The following RAD51AP2 variants were observed in gnomAD, a reference collection of about 807,000 sequenced individuals.
RAD51AP2 encodes the protein RAD51 associated protein 2.
RAD51AP2 carries 67 observed loss-of-function variants against 85.5 expected under a neutral mutation model. The ratio of observed to expected loss-of-function variants is 0.78; its 90% CI spans 0.64 to 0.96. The LOEUF (loss-of-function observed/expected upper bound fraction) is 0.96, where lower values mean the gene tolerates loss of function less well. Ranked by LOEUF, RAD51AP2 falls within the 40% of genes least tolerant of loss-of-function variation. The probability of loss-of-function intolerance (pLI) is 0.00; values close to 1 mark genes in which losing one functional copy is unlikely to be tolerated. For synonymous variants in RAD51AP2, 474 were observed against 446.5 expected (o/e 1.06, Z -0.78); for missense variants, 1,307 against 1,332.4 (o/e 0.98, Z 0.30).
Position 17,518,438 on chromosome 2 carries a change from T to C in RAD51AP2, c.-23A>G. On this transcript the variant is annotated 5_prime_UTR_variant, in exon 1 of 3. Transcript: ENST00000399080. ...CATGACAGCGAATGGAAAGGATCTG[T>C]CCGAGTCCCGGCGGGGCTCCAATCC... 1.3e-6 allele frequency: 2 copies of C among 1,596,724 alleles called. No homozygotes were observed.
chr2:17,535,538 G>A, the RAD51AP2 span, among the ~76,000 whole-genome samples: 1 of 152,110 alleles, frequency 6.6e-6, no homozygotes, highest in Admixed American at 6.5e-5. Flanking sequence ...GTGGCAGTGA[G>A]GAATGAATTT....
the RAD51AP2 span, among the ~76,000 whole-genome samples, chr2:17,536,032 G>A: frequency 7.1e-6 from 1 of 140,848 alleles, no homozygotes; most frequent in Non-Finnish European, 1.6e-5. Flanking sequence ...AAAAAAAAAA[G>A]TGGGTTTTGT....
intron 2 of RAD51AP2, among the ~76,000 whole-genome samples, chr2:17,512,808 G>C (rs1241748540): frequency 2.6e-5 from 4 of 152,114 alleles, no homozygotes; most frequent in Admixed American, 2.6e-4. Context: ...TCATCCCGGG[G>C]AGAAGAGACT....
In RAD51AP2 at chr2:17,515,331, A is replaced by C. The variant is rs771999317; in HGVS notation, c.3085T>G (p.Ser1029Ala). Reference sequence around the variant, plus strand: ...CCTGCTATAGTATCATGGAACGAGGAAGATGCACGTATTTTGTTGACCACA... The same window carrying C: ...CCTGCTATAGTATCATGGAACGAGGCAGATGCACGTATTTTGTTGACCACA... The part of the protein sequence containing the change: ...MVVVNKIRAS[S>A]SFHDTIAGPN... The change falls in exon 1 of 3, where the codon TCC becomes GCC. Residue 1029 changes from serine (S) to alanine (A), a missense_variant. Ser to Ala is a moderately conservative substitution (Grantham distance 99). Transcript: ENST00000399080. The C allele has an allele frequency of 6.2e-7, 1 of 1,612,782 alleles. No homozygotes were observed. Among genetic ancestry groups the C allele is most frequent in the Non-Finnish European group, 8.5e-7 (1 of 1,179,686 alleles).
At chr2:17,513,171 A>G in intron 2 of RAD51AP2, among the ~76,000 whole-genome samples, 1 of 149,026 alleles carries the variant, frequency 6.7e-6, no homozygotes, top group South Asian at 2.1e-4. Flanking sequence ...ACTGTGTTTT[A>G]TTCTGATATT....
chr2:17,516,088 G>A lies in RAD51AP2; in HGVS notation c.2328C>T (p.Asn776=), dbSNP rs1297638951. The A allele has an allele frequency of 6.2e-7, 1 of 1,612,874 alleles. No individual in the cohort carries two copies. The highest frequency in any genetic ancestry group is 2.2e-5 in the East Asian group (1 of 44,840). ...ERKQGHNKIS[N]FDCEHIFEDL... is the part of the protein sequence containing the mutation. ...CTTCAAATATGTGCTCACAGTCAAAGTTACTGATCTTATTATGTCCCTGTT... is the reference window on the plus strand; with the variant it reads ...CTTCAAATATGTGCTCACAGTCAAAATTACTGATCTTATTATGTCCCTGTT... The change falls in exon 1 of 3, where the codon AAC becomes AAT. Residue 776 remains asparagine (N), a synonymous_variant. Coordinates refer to ENST00000399080, the MANE Select transcript of RAD51AP2 (RefSeq NM_001099218.3).
At chr2:17,511,001 T>A (rs1020881100) in intron 2 of RAD51AP2, 46 bp from the exon 3 acceptor site, 1 of 1,364,684 alleles carries the variant, frequency 7.3e-7, no homozygotes, top group Non-Finnish European at 9.9e-7. Flanking sequence ...ATAGTTTCTA[T>A]GCCTAAAAAT....
In RAD51AP2 at chr2:17,510,809, A is replaced by G; in HGVS notation, c.3475T>C (p.Phe1159Leu). 6.4e-7 allele frequency: 1 copy of G among 1,563,174 alleles called. No individual in the cohort carries two copies. The highest frequency in any genetic ancestry group is 8.7e-7 in the Non-Finnish European group (1 of 1,151,470). Residue 1159 changes from phenylalanine to leucine, a missense_variant, in exon 3 of 3, where the codon TTT becomes CTT. Physicochemically the swap from Phe to Leu is conservative, Grantham distance 22 (BLOSUM62 0). Transcript: ENST00000399080. ...QMCYGNLKEN[F>L] ...AATGTTTTGAAATATGAAAGTCAAA[A>G]ATTTTCTTTTAAGTTTCCGTAACAC...
rs749125571 is a variant in RAD51AP2 at position 17,515,513 on chromosome 2, A to C, written c.2903T>G (p.Phe968Cys). The C allele has an allele frequency of 1.1e-5, 18 of 1,611,164 alleles. No homozygotes were observed. The highest frequency in any genetic ancestry group is 1.5e-5 in the Non-Finnish European group (18 of 1,179,276). ...IVKDFEMKRK[F>C]DLVLEELRMF... is the part of the protein sequence containing the mutation. ...ACGAAGTTCTTCAAGTACTAAGTCA[A>C]ATTTTCTCTTCATCTCAAAATCTTT... Residue 968 changes from phenylalanine (F) to cysteine (C), a missense_variant, in exon 1 of 3, where the codon TTT (phenylalanine) becomes TGT (cysteine). Physicochemically the swap from Phe to Cys is radical, Grantham distance 205. Around this residue, in one of 3 missense-constraint regions of RAD51AP2, gnomAD observed 668 missense variants for 671.0 expected, o/e 1.00. Coordinates refer to ENST00000399080, the MANE Select transcript of RAD51AP2 (RefSeq NM_001099218.3).
chr2:17,517,984 A>G lies in RAD51AP2; in HGVS notation c.432T>C (p.Ser144=). ...EAGLHDREAF[S]VHRSNSSKAG... Reference sequence around the variant, plus strand: ...CTTTGGAGCTATTACTGCGGTGCACACTGAAAGCCTCTCTGTCATGCAGGC... The same window carrying G: ...CTTTGGAGCTATTACTGCGGTGCACGCTGAAAGCCTCTCTGTCATGCAGGC... Residue 144 remains serine, a synonymous_variant, in exon 1 of 3, where the codon AGT becomes AGC. Coordinates refer to ENST00000399080, the MANE Select transcript of RAD51AP2 (RefSeq NM_001099218.3). 6.2e-7 allele frequency: 1 copy of G among 1,614,194 alleles called. No individual in the cohort carries two copies. Among genetic ancestry groups the G allele is most frequent in the Non-Finnish European group, 8.5e-7 (1 of 1,180,040 alleles).
the RAD51AP2 span, among the ~76,000 whole-genome samples, chr2:17,527,330 T>C: frequency 6.6e-6 from 1 of 152,184 alleles, no homozygotes; most frequent in Admixed American, 6.5e-5. Flanking sequence ...GGAAAGAGGC[T>C]GAGGCCAGGG....
rs1662743505 is a variant in RAD51AP2 at position 17,517,905 on chromosome 2, T to G, written c.511A>C (p.Arg171=). 6.2e-7 allele frequency: 1 copy of G among 1,614,080 alleles called. No homozygotes were observed. The highest frequency in any genetic ancestry group is 1.3e-5 in the African/African-American group (1 of 74,924). The change falls in exon 1 of 3, where the codon AGA becomes CGA. Residue 171 remains arginine, a synonymous_variant. Coordinates refer to ENST00000399080, the MANE Select transcript of RAD51AP2 (RefSeq NM_001099218.3). ...STSIHDIHGI[R]NENRKQQFVQ... ...AACTGTTGTTTTCGATTCTCATTTC[T>G]AATTCCATGTATATCGTGTATAGAG...
chr2:17,513,237 CTTT>C (rs11394351), intron 2 of RAD51AP2, among the ~76,000 whole-genome samples: 19 of 111,204 alleles, frequency 1.7e-4, no homozygotes, highest in African/African-American at 2.7e-4. Context: ...TTAGTGTGTG[CTTT>C]TTTTTTTTTT....
At chr2:17,523,186 C>A (rs1476743094), upstream of RAD51AP2, among the ~76,000 whole-genome samples, 4 of 151,800 alleles carry the variant, frequency 2.6e-5, no homozygotes, top group African/African-American at 9.7e-5. Context: ...TTAGAAGAGT[C>A]CTGGGCACCC....
chr2:17,521,425 C>T (rs758364027), upstream of RAD51AP2, among the ~76,000 whole-genome samples: 1 of 151,904 alleles, frequency 6.6e-6, no homozygotes, highest in Non-Finnish European at 1.5e-5. Context: ...TTTAATAAAT[C>T]ATGTAAGAAG....
At chr2:17,534,040 T>C in the RAD51AP2 span, among the ~76,000 whole-genome samples, 1 of 152,350 alleles carries the variant, frequency 6.6e-6, no homozygotes, top group African/African-American at 2.4e-5. Context: ...GATTTTCCAA[T>C]AGAATTTCTT....
the RAD51AP2 span, among the ~76,000 whole-genome samples, chr2:17,534,497 TCA>T: frequency 6.6e-6 from 1 of 152,154 alleles, no homozygotes. Context: ...CCTAGTTTTG[TCA>T]CATTATACCA....
intron 1 of RAD51AP2, among the ~76,000 whole-genome samples, 160 bp downstream of exon 1, chr2:17,515,007 GAA>G (rs11421369): frequency 2.9e-5 from 4 of 137,878 alleles, no homozygotes; most frequent in Non-Finnish European, 3.1e-5. Context: ...CTTCTTGCTG[GAA>G]AAAAAAAAAA....
At chr2:17,529,368 G>A in the RAD51AP2 span, among the ~76,000 whole-genome samples, 1 of 151,656 alleles carries the variant, frequency 6.6e-6, no homozygotes, top group Non-Finnish European at 1.5e-5. Flanking sequence ...ATCATAGTAT[G>A]AATTATAAAT....
Sources: gnomAD v4.1 joint callset for allele counts (sites outside exome capture counted in the v4.1 genomes callset) on GRCh38, gnomAD v4.1.1 for gene constraint, gnomAD v4.1.1 regional missense constraint, MANE v1.5 for transcripts, NCBI Gene and HGNC (gene_info 2026-07-23, HGNC 2026-07-21) for gene names.